Variants in NFIA observed in about 807,000 individuals in gnomAD.
NFIA encodes nuclear factor 1 A-type.
NFIA carries 8 observed loss-of-function variants against 62.8 expected under a neutral mutation model. That is an observed-to-expected ratio of 0.13 (90% CI 0.07 to 0.23). NFIA has a LOEUF of 0.23. Among genes scored for constraint, NFIA ranks in the 10% least tolerant of loss-of-function variants. The pLI is 1.00. For missense variants in NFIA, 410 were observed against 642.1 expected (o/e 0.64, Z 3.91); for synonymous variants, 235 against 238.1 (o/e 0.99, Z 0.12).
At chr1:61,386,137 C>T (rs1215039800) in intron 7 of NFIA, among the ~76,000 whole-genome samples, 4 of 152,176 alleles carry the variant, frequency 2.6e-5, no homozygotes, top group East Asian at 1.9e-4. Flanking sequence ...CTTCATTTCT[C>T]TCTGAACTAG....
At chr1:61,403,338 T>C (rs1431888987) in intron 7 of NFIA, among the ~76,000 whole-genome samples, 2 of 152,314 alleles carry the variant, frequency 1.3e-5, no homozygotes, top group East Asian at 3.9e-4. Flanking sequence ...TAAGTTTTTT[T>C]AATCTAATGT....
chr1:61,406,769 G>C, intron 9 of NFIA, 42 bp downstream of exon 9: 2 of 1,525,988 alleles, frequency 1.3e-6, no homozygotes, highest in Admixed American at 4.0e-5. Flanking sequence ...TTCTAAAGCT[G>C]TATGCACTGG....
intron 1 of NFIA, among the ~76,000 whole-genome samples, chr1:61,086,890 C>T (rs955639043): frequency 6.6e-6 from 1 of 151,994 alleles, no homozygotes; most frequent in Non-Finnish European, 1.5e-5. Flanking sequence ...ATTTGTCTGT[C>T]CTACACCATT....
chr1:61,239,715 T>C (rs144596346), intron 2 of NFIA, among the ~76,000 whole-genome samples: 87 of 152,308 alleles, frequency 5.7e-4, no homozygotes, highest in African/African-American at 1.9e-3. Context: ...AAACACTTAA[T>C]ATATTATTCG....
At chr1:61,128,544 C>T (rs944932668) in intron 2 of NFIA, among the ~76,000 whole-genome samples, 6 of 152,036 alleles carry the variant, frequency 3.9e-5, no homozygotes, top group Non-Finnish European at 7.4e-5. Context: ...GTGGAGGTTA[C>T]AGTGAGCCAC....
At chr1:61,358,949 A>AC (rs1481999440) in intron 5 of NFIA, among the ~76,000 whole-genome samples, 198 bp from the exon 6 acceptor site, 1 of 152,146 alleles carries the variant, frequency 6.6e-6, no homozygotes, top group Middle Eastern at 3.2e-3. Flanking sequence ...AAACTCAGAC[A>AC]CTTGGAACAA....
intron 1 of NFIA, among the ~76,000 whole-genome samples, 169 bp from the exon 2 acceptor site, chr1:61,087,980 C>G (rs1467180576): frequency 6.6e-6 from 1 of 152,010 alleles, no homozygotes; most frequent in African/African-American, 2.4e-5. Context: ...TTTTCTCTCC[C>G]ACCTTCCCAG....
At chr1:61,176,731 T>A (rs1452866464) in intron 2 of NFIA, among the ~76,000 whole-genome samples, 1 of 152,188 alleles carries the variant, frequency 6.6e-6, no homozygotes, top group East Asian at 1.9e-4. Context: ...TAAAAATTTT[T>A]TTTTCTATGC....
intron 2 of NFIA, among the ~76,000 whole-genome samples, chr1:61,090,234 A>G (rs911887417): frequency 1.3e-5 from 2 of 152,232 alleles, no homozygotes; most frequent in Non-Finnish European, 2.9e-5. Flanking sequence ...AAAAAAGTAT[A>G]GGTGTTACAG....
chr1:61,260,650 G>T (rs959532042), intron 2 of NFIA, among the ~76,000 whole-genome samples: 1 of 152,026 alleles, frequency 6.6e-6, no homozygotes, highest in African/African-American at 2.4e-5. Flanking sequence ...GCCTGATCTC[G>T]GCTCACTGCA....
intron 2 of NFIA, among the ~76,000 whole-genome samples, chr1:61,109,979 A>C (rs1646667710): frequency 6.6e-6 from 1 of 152,042 alleles, no homozygotes; most frequent in African/African-American, 2.4e-5. Context: ...TTTTAAGTAT[A>C]ATGTATAGCC....
intron 3 of NFIA, among the ~76,000 whole-genome samples, chr1:61,298,544 G>C (rs529765765): frequency 1.3e-5 from 2 of 152,148 alleles, no homozygotes; most frequent in African/African-American, 4.8e-5. Flanking sequence ...CAGCCAGTCA[G>C]AATGTTGGTA....
chr1:61,364,057 TGCCTCA>T (rs1221741664), intron 6 of NFIA, among the ~76,000 whole-genome samples: 2 of 151,912 alleles, frequency 1.3e-5, no homozygotes, highest in African/African-American at 2.4e-5. Context: ...GTGATTCTCC[TGCCTCA>T]GCCTCCCGAG....
chr1:61,286,288 T>C (rs1278193299), intron 3 of NFIA, among the ~76,000 whole-genome samples: 1 of 149,296 alleles, frequency 6.7e-6, no homozygotes, highest in Non-Finnish European at 1.5e-5. Flanking sequence ...ATTAGCCGGG[T>C]GTGGTTGCAG....
rs959454033 is a variant in NFIA, at chr1:61,083,082, C to T, written c.27+264C>T. The stretch of plus-strand genomic sequence containing the variant: ...ATTTGTGTGGGCACATGGCTAATGG[C>T]GCCCTCTTATTAATGCGTTAATTAA... On this transcript the variant is annotated intron_variant, in intron 1 of 10. Transcript: ENST00000403491. Among the ~76,000 whole-genome samples the T allele has an allele frequency of 5.9e-5, 9 of 152,274 alleles. No individual in the cohort carries two copies. The South Asian group carries it at 1.4e-3, about 25-fold the overall frequency.
At chr1:61,436,089 G>C (rs1667315536) in intron 10 of NFIA, among the ~76,000 whole-genome samples, 2 of 152,172 alleles carry the variant, frequency 1.3e-5, no homozygotes, top group Admixed American at 1.3e-4. Context: ...CCGTGTGCTG[G>C]TTAAACATGG....
intron 3 of NFIA, among the ~76,000 whole-genome samples, chr1:61,304,105 G>A (rs1179922109): frequency 1.3e-5 from 2 of 152,058 alleles, no homozygotes; most frequent in Non-Finnish European, 2.9e-5. Flanking sequence ...ATGAAACCCC[G>A]TGTCTACTGA....
intron 4 of NFIA, among the ~76,000 whole-genome samples, chr1:61,333,260 A>G (rs969514011): frequency 2.4e-4 from 37 of 152,160 alleles, no homozygotes; most frequent in African/African-American, 8.0e-4. Flanking sequence ...TGTAGGTAAA[A>G]TTTACATGGT....
chr1:61,437,924 T>TA (rs1471526153), intron 10 of NFIA, among the ~76,000 whole-genome samples: 1 of 152,192 alleles, frequency 6.6e-6, no homozygotes, highest in Non-Finnish European at 1.5e-5. Context: ...AATAAATACA[T>TA]ACCTTTTTCC....
Sources: gnomAD v4.1 joint callset for allele counts (sites outside exome capture counted in the v4.1 genomes callset) on GRCh38, gnomAD v4.1.1 for gene constraint, MANE v1.5 for transcripts, NCBI Gene and HGNC (gene_info 2026-07-23, HGNC 2026-07-21) for gene names.